CTNNA2: variants seen among roughly 807,000 people sequenced by gnomAD.
The protein encoded by CTNNA2 is catenin alpha-2.
A neutral mutation model predicts 101.0 loss-of-function variants in CTNNA2; 42 were observed. The ratio of observed to expected loss-of-function variants is 0.42; its 90% CI spans 0.32 to 0.54. CTNNA2 has a LOEUF of 0.54. CTNNA2 is among the 20% of genes least tolerant of loss of function. The probability of loss-of-function intolerance (pLI) is 0.14; values close to 1 mark genes in which losing one functional copy is unlikely to be tolerated. For synonymous variants in CTNNA2, 450 were observed against 456.4 expected (o/e 0.99, Z 0.18); for missense variants, 871 against 1,223.1 (o/e 0.71, Z 4.29).
intron 7 of CTNNA2, among the ~76,000 whole-genome samples, chr2:79,987,539 T>C (rs1434991040): frequency 6.6e-6 from 1 of 152,240 alleles, no homozygotes; most frequent in Non-Finnish European, 1.5e-5. Flanking sequence ...GAATGAAAAC[T>C]ACTTTGACAC....
intron 2 of CTNNA2, among the ~76,000 whole-genome samples, chr2:79,686,983 T>C (rs984119282): frequency 6.6e-6 from 1 of 152,174 alleles, no homozygotes; most frequent in South Asian, 2.1e-4. Flanking sequence ...TTATGTCTTA[T>C]GTCGCTCTTT....
intron 7 of CTNNA2, among the ~76,000 whole-genome samples, chr2:79,996,506 T>C (rs976309486): frequency 1.3e-5 from 2 of 152,226 alleles, no homozygotes; most frequent in Non-Finnish European, 2.9e-5. Context: ...AGCTGTCTTT[T>C]GAAATGTCAA....
chr2:79,734,967 T>A (rs1258715092), intron 2 of CTNNA2, among the ~76,000 whole-genome samples: 2 of 152,090 alleles, frequency 1.3e-5, no homozygotes, highest in Non-Finnish European at 2.9e-5. Flanking sequence ...CCCATTGAGG[T>A]AAGTGGTATC....
intron 2 of CTNNA2, among the ~76,000 whole-genome samples, chr2:79,708,174 T>G (rs1685507501): frequency 1.3e-5 from 2 of 152,196 alleles, no homozygotes; most frequent in Admixed American, 6.5e-5. Flanking sequence ...CACGGCGTGC[T>G]TATACAGTGT....
rs1288521407 is a variant in CTNNA2, at chr2:80,261,063, T to G, written c.1057-132148T>G. On this transcript the variant is annotated intron_variant, in intron 7 of 18. Transcript: ENST00000402739. ...TCAGACTCTGCACGGTTCTAAACAT[T>G]TCCAGTGCTTGCATTTTGATCCTTG... 2.0e-5 allele frequency among the ~76,000 whole-genome samples: 3 copies of G among 152,282 alleles called. No individual in the cohort carries two copies. The East Asian group carries it at 5.8e-4, about 29-fold the overall frequency.
At chr2:79,849,865 T>C (rs1462346253) in intron 3 of CTNNA2, among the ~76,000 whole-genome samples, 2 of 152,202 alleles carry the variant, frequency 1.3e-5, no homozygotes, top group African/African-American at 4.8e-5. Flanking sequence ...ATCAATTCAA[T>C]ATGGTTCAAA....
At chr2:80,124,429 C>T (rs183600459) in intron 7 of CTNNA2, among the ~76,000 whole-genome samples, 1 of 152,214 alleles carries the variant, frequency 6.6e-6, no homozygotes, top group Non-Finnish European at 1.5e-5. Context: ...ATAACAGAGT[C>T]CTTAAAAGAA....
intron 7 of CTNNA2, among the ~76,000 whole-genome samples, chr2:79,946,554 A>C (rs1688507134): frequency 6.6e-6 from 1 of 152,174 alleles, no homozygotes; most frequent in Non-Finnish European, 1.5e-5. Context: ...TCCAATATTA[A>C]ACACAGCAAA....
intron 2 of CTNNA2, among the ~76,000 whole-genome samples, chr2:79,673,550 C>T (rs532486501): frequency 2.0e-5 from 3 of 152,122 alleles, no homozygotes; most frequent in Non-Finnish European, 2.9e-5. Flanking sequence ...TTTTGTCTTC[C>T]TCTGTGAATA....
intron 3 of CTNNA2, among the ~76,000 whole-genome samples, chr2:79,780,104 C>T (rs1426745237): frequency 6.6e-6 from 1 of 152,162 alleles, no homozygotes; most frequent in Non-Finnish European, 1.5e-5. Context: ...CTCTTTCAAC[C>T]AATTGTCAAT....
At chr2:80,070,535 T>C (rs1025277167) in intron 7 of CTNNA2, among the ~76,000 whole-genome samples, 13 of 152,094 alleles carry the variant, frequency 8.5e-5, no homozygotes, top group African/African-American at 3.1e-4. Flanking sequence ...AGTGAGACTT[T>C]GTCTCTACAA....
chr2:80,467,195 A>G (rs1684931882), intron 9 of CTNNA2, among the ~76,000 whole-genome samples: 1 of 152,222 alleles, frequency 6.6e-6, no homozygotes, highest in African/African-American at 2.4e-5. Flanking sequence ...CTTACTTCAC[A>G]TGCCACGCGC....
chr2:79,799,034 G>C (rs757242472), intron 3 of CTNNA2, among the ~76,000 whole-genome samples: 75 of 152,208 alleles, frequency 4.9e-4, no homozygotes, highest in Non-Finnish European at 9.0e-4. Context: ...CTCTTTTGTT[G>C]TTCTCTCTGG....
chr2:79,476,342 CA>C (rs1231553808), intron 4 of CTNNA2, among the ~76,000 whole-genome samples: 1 of 152,198 alleles, frequency 6.6e-6, no homozygotes, highest in African/African-American at 2.4e-5. Flanking sequence ...ACAGAAGAAA[CA>C]GAGAAATCCT....
In CTNNA2 at chr2:80,553,431, T is replaced by G. The variant is rs906361695; in HGVS notation, c.1541-2262T>G. 5.5e-4 allele frequency among the ~76,000 whole-genome samples: 83 copies of G among 152,146 alleles called. 2 individuals are homozygous for G. Among genetic ancestry groups the G allele is most frequent in the Admixed American group, 4.2e-3 (64 of 15,270 alleles). On this transcript the variant is annotated intron_variant, in intron 11 of 18. Transcript: ENST00000402739. ...TACCTATAAAAACATATTTCTTGCC[T>G]CTTAAATTAGTTGCATATTTCTACT... is the stretch of plus-strand genomic sequence containing the variant.
intron 3 of CTNNA2, among the ~76,000 whole-genome samples, chr2:79,314,273 A>G (rs1676446864): frequency 6.6e-6 from 1 of 152,178 alleles, no homozygotes; most frequent in South Asian, 2.1e-4. Flanking sequence ...ATCCCGTAGA[A>G]AATGCAGAAG....
intron 2 of CTNNA2, among the ~76,000 whole-genome samples, chr2:79,286,657 C>A (rs889293465): frequency 1.3e-5 from 2 of 152,146 alleles, no homozygotes; most frequent in East Asian, 3.9e-4. Flanking sequence ...TTGAGGGTAT[C>A]CCGACCTTTC....
At chr2:79,459,939 T>G (rs183256783) in intron 4 of CTNNA2, among the ~76,000 whole-genome samples, 1 of 152,300 alleles carries the variant, frequency 6.6e-6, no homozygotes, top group East Asian at 1.9e-4. Flanking sequence ...TCCTATTTGA[T>G]TATTGCTTTT....
chr2:80,241,686 A>T (rs995522128), intron 7 of CTNNA2, among the ~76,000 whole-genome samples: 1 of 152,036 alleles, frequency 6.6e-6, no homozygotes, highest in African/African-American at 2.4e-5. Context: ...ATTCATCTGT[A>T]TAGGGCATTT....
Sources: gnomAD v4.1 joint callset for allele counts (sites outside exome capture counted in the v4.1 genomes callset) on GRCh38, gnomAD v4.1.1 for gene constraint, MANE v1.5 for transcripts, NCBI Gene and HGNC (gene_info 2026-07-23, HGNC 2026-07-21) for gene names.